SSBP3: variants seen among roughly 807,000 people sequenced by gnomAD.
SSBP3 encodes single stranded DNA binding protein 3, also known as single-stranded DNA-binding protein 3.
SSBP3 carries 5 observed loss-of-function variants against 69.6 expected under a neutral mutation model. That is an observed-to-expected ratio of 0.07 (90% CI 0.04 to 0.15). The LOEUF is 0.15. SSBP3 is among the 10% of genes least tolerant of loss of function. The probability of loss-of-function intolerance (pLI) is 1.00; values close to 1 mark genes in which losing one functional copy is unlikely to be tolerated. For missense variants in SSBP3, 312 were observed against 534.0 expected (o/e 0.58, Z 4.10); for synonymous variants, 196 against 193.4 (o/e 1.01, Z -0.11).
At chr1:54,351,612 C>CT (rs1298816606) in intron 4 of SSBP3, among the ~76,000 whole-genome samples, 1 of 152,200 alleles carries the variant, frequency 6.6e-6, no homozygotes, top group Non-Finnish European at 1.5e-5. Context: ...ATAAATGAAA[C>CT]TTTAACAACA....
chr1:54,289,870 C>A (rs1200082035), intron 4 of SSBP3, among the ~76,000 whole-genome samples: 1 of 152,090 alleles, frequency 6.6e-6, no homozygotes, highest in Non-Finnish European at 1.5e-5. Context: ...GGGGGGCTCC[C>A]CCACAGGCGA....
chr1:54,320,210 T>C (rs575705212), intron 4 of SSBP3, among the ~76,000 whole-genome samples: 3 of 152,092 alleles, frequency 2.0e-5, no homozygotes, highest in Non-Finnish European at 4.4e-5. Flanking sequence ...GTTTCAGAGA[T>C]GAGAAATGGG....
Position 54,230,000 on chromosome 1 carries a change from G to A in SSBP3, c.928-1174C>T, listed in dbSNP as rs3766455. Reference sequence around the variant, plus strand: ...GAAGAGAGCATCAACAAAATTGAGGGGTAAAATCTGGGCAGGCAGAGCCCA... The same window carrying A: ...GAAGAGAGCATCAACAAAATTGAGGAGTAAAATCTGGGCAGGCAGAGCCCA... On this transcript the variant is annotated intron_variant, in intron 14 of 17. Transcript: ENST00000610401. Among the ~76,000 whole-genome samples, 37 of 152,326 alleles carry A rather than the reference G, an allele frequency of 2.4e-4. 1 individual carries two copies. In the East Asian group the frequency reaches 2.9e-3, roughly 12 times the overall value.
chr1:54,412,462 G>A (rs1014667723), intron 1 of SSBP3, among the ~76,000 whole-genome samples: 1 of 152,194 alleles, frequency 6.6e-6, no homozygotes, highest in Non-Finnish European at 1.5e-5. Flanking sequence ...AATACTCTAC[G>A]ATTCCGGTCA....
At chr1:54,242,211 C>T (rs1283830872) in exon 11 of SSBP3, 1 of 1,613,756 alleles carries the variant, frequency 6.2e-7, no homozygotes, top group Non-Finnish European at 8.5e-7. Context: ...GCTCCCGGGC[C>T]CCTGAGAGAG....
chr1:54,332,006 G>C (rs557241049), intron 4 of SSBP3, among the ~76,000 whole-genome samples: 2 of 152,296 alleles, frequency 1.3e-5, no homozygotes, highest in African/African-American at 4.8e-5. Context: ...GGGCTGCAAG[G>C]TCACTGGAGG....
intron 4 of SSBP3, among the ~76,000 whole-genome samples, chr1:54,316,406 G>A (rs1175066545): frequency 3.3e-5 from 5 of 149,740 alleles, no homozygotes; most frequent in Admixed American, 1.3e-4. Flanking sequence ...TTGGGAGGCC[G>A]AGGCGGGTGG....
At chr1:54,372,587 G>A (rs1647152841) in intron 4 of SSBP3, among the ~76,000 whole-genome samples, 1 of 152,172 alleles carries the variant, frequency 6.6e-6, no homozygotes, top group African/African-American at 2.4e-5. Context: ...CCTGGCTCAA[G>A]TCTGCATCCC....
chr1:54,378,142 A>G (rs1647329540), intron 4 of SSBP3, among the ~76,000 whole-genome samples: 1 of 152,110 alleles, frequency 6.6e-6, no homozygotes, highest in Non-Finnish European at 1.5e-5. Context: ...GCTTAGAAAC[A>G]AGGTGCCAGA....
chr1:54,283,159 C>T (rs1352926726), intron 4 of SSBP3, among the ~76,000 whole-genome samples: 1 of 151,728 alleles, frequency 6.6e-6, no homozygotes, highest in Non-Finnish European at 1.5e-5. Context: ...CCCAGCTACT[C>T]GGGAGGCTGA....
At chr1:54,252,344 G>A (rs1030266797) in intron 7 of SSBP3, among the ~76,000 whole-genome samples, 3 of 152,146 alleles carry the variant, frequency 2.0e-5, no homozygotes, top group Admixed American at 2.0e-4. Context: ...AAATCCTATC[G>A]CTGTGGGAAG....
chr1:54,288,971 G>C (rs1189024905), intron 4 of SSBP3, among the ~76,000 whole-genome samples: 10 of 133,556 alleles, frequency 7.5e-5, no homozygotes, highest in Admixed American at 6.0e-4. Context: ...AGTGAGCCGA[G>C]ATCGTGCCAC....
chr1:54,325,886 A>G (rs1646292611), intron 4 of SSBP3, among the ~76,000 whole-genome samples: 1 of 152,198 alleles, frequency 6.6e-6, no homozygotes, highest in South Asian at 2.1e-4. Context: ...TGGCAAAGAT[A>G]ATCAAAGGGA....
intron 4 of SSBP3, among the ~76,000 whole-genome samples, chr1:54,327,995 C>CTAT (rs1237300659): frequency 3.9e-5 from 6 of 152,158 alleles, no homozygotes; most frequent in African/African-American, 1.2e-4. Context: ...GAAGAGTCTC[C>CTAT]CATAATAAAG....
chr1:54,235,448 A>ATTTTTTTTTTTTTTTTTTTT lies in SSBP3; in HGVS notation c.927+3661_927+3680dup, dbSNP rs71580002. 8.6e-5 allele frequency among the ~76,000 whole-genome samples: 6 copies of ATTTTTTTTTTTTTTTTTTTT among 69,918 alleles called. 1 individual carries two copies. Among genetic ancestry groups the ATTTTTTTTTTTTTTTTTTTT allele is most frequent in the Admixed American group, 1.8e-4 (1 of 5,420 alleles). 45.9% of individuals were successfully genotyped at this position (69,918 alleles called of 152,430 possible). ...AGGCGTGTACCACCATGCCCGGCTG[A>ATTTTTTTTTTTTTTTTTTTT]TTTTTTTTTTTTTTTTTTTTTTTTT... On this transcript the variant is annotated intron_variant, in intron 14 of 17. Transcript: ENST00000610401.
chr1:54,317,095 C>A (rs1038664170), intron 4 of SSBP3, among the ~76,000 whole-genome samples: 2 of 152,096 alleles, frequency 1.3e-5, no homozygotes, highest in Non-Finnish European at 2.9e-5. Context: ...AAAAATCATC[C>A]ACAATGGAAG....
At chr1:54,308,933 G>A (rs1430324912) in intron 4 of SSBP3, among the ~76,000 whole-genome samples, 2 of 151,958 alleles carry the variant, frequency 1.3e-5, no homozygotes, top group African/African-American at 4.8e-5. Flanking sequence ...TAAGAAAAAG[G>A]CAATCTCTGC....
chr1:54,383,903 G>A (rs1191342217), intron 4 of SSBP3, among the ~76,000 whole-genome samples: 6 of 152,150 alleles, frequency 3.9e-5, no homozygotes, highest in Admixed American at 2.6e-4. Flanking sequence ...TCAGGAGATC[G>A]AGACCATCCC....
chr1:54,228,343 T>G, exon 17 of SSBP3: 1 of 1,613,880 alleles, frequency 6.2e-7, no homozygotes, highest in East Asian at 2.2e-5. Context: ...GCCACTTATG[T>G]TGTTAGGAGA....
Sources: gnomAD v4.1 joint callset for allele counts (sites outside exome capture counted in the v4.1 genomes callset) on GRCh38, gnomAD v4.1.1 for gene constraint, MANE v1.5 for transcripts, NCBI Gene and HGNC (gene_info 2026-07-23, HGNC 2026-07-21) for gene names.